PATJ: variants seen among roughly 807,000 people sequenced by gnomAD.
PATJ encodes inaD-like protein.
In PATJ, 190 loss-of-function variants were observed where a neutral mutation model predicts 224.9. The observed-to-expected ratio is 0.84, with a 90% CI of 0.75 to 0.95. The LOEUF is 0.95. Ranked by LOEUF, PATJ falls within the 40% of genes least tolerant of loss-of-function variation. The pLI, the probability that PATJ is intolerant of heterozygous loss-of-function variation, is 0.00. For missense variants in PATJ, 2,121 were observed against 2,270.3 expected, an observed-to-expected ratio of 0.93 and a Z score of 1.34; for synonymous variants, 769 against 820.3, an observed-to-expected ratio of 0.94 and a Z score of 1.07.
chr1:61,822,431 A>G, intron 14 of PATJ, among the ~76,000 whole-genome samples: 1 of 147,332 alleles, frequency 6.8e-6, no homozygotes, highest in South Asian at 2.2e-4. Flanking sequence ...CTGTGTCAGA[A>G]AAAAAAAAAA....
chr1:62,014,659 C>T (rs1159454523), intron 28 of PATJ, among the ~76,000 whole-genome samples: 1 of 142,052 alleles, frequency 7.0e-6, no homozygotes. Flanking sequence ...CTCAACCTTA[C>T]AGGCTCAAGC....
chr1:61,862,592 C>T (rs1364515914), intron 19 of PATJ, among the ~76,000 whole-genome samples: 3 of 152,136 alleles, frequency 2.0e-5, no homozygotes, highest in African/African-American at 7.2e-5. Context: ...CAAACATACA[C>T]TAATGTATTC....
chr1:61,806,672 T>C (rs1028868935), intron 13 of PATJ, among the ~76,000 whole-genome samples: 2 of 152,040 alleles, frequency 1.3e-5, no homozygotes, highest in South Asian at 4.2e-4. Context: ...TCTTGGTAAC[T>C]TTATGCCTGT....
intron 1 of PATJ, among the ~76,000 whole-genome samples, chr1:61,757,504 G>C (rs1645716867): frequency 1.3e-5 from 2 of 151,968 alleles, no homozygotes; most frequent in Admixed American, 1.3e-4. Context: ...TACCACTTTA[G>C]CCCTCTGAGT....
At position 61,992,083 on chromosome 1, in the gene PATJ, A is replaced by G. The variant is rs1445639094; in HGVS notation, c.3867+1719A>G. On this transcript the variant is annotated intron_variant, in intron 28 of 43. Transcript: ENST00000642238. Reference sequence around the variant, plus strand: ...TGCCAGACTCCAAGACCCGTGTTACAGCCACTAAAGTATACTATGTTCCCT... The same window carrying G: ...TGCCAGACTCCAAGACCCGTGTTACGGCCACTAAAGTATACTATGTTCCCT... Among the ~76,000 whole-genome samples, 4 of 151,884 alleles carry G rather than the reference A, an allele frequency of 2.6e-5. 1 individual carries two copies. The highest frequency in any genetic ancestry group is 7.2e-5 in the African/African-American group (3 of 41,388).
Position 62,106,091 on chromosome 1 carries a change from C to T in PATJ, c.4378-2346C>T, listed in dbSNP as rs1423299655. Reference sequence around the variant, plus strand: ...ATATATATATATATACACACACACACACACACACACACACACACACACACA... The same window carrying T: ...ATATATATATATATACACACACACATACACACACACACACACACACACACA... On this transcript the variant is annotated intron_variant, in intron 33 of 43. Coordinates refer to ENST00000642238, the MANE Select transcript of PATJ (RefSeq NM_001350145.3). 8.3e-4 allele frequency among the ~76,000 whole-genome samples: 58 copies of T among 69,786 alleles called. 1 individual carries two copies. In the East Asian group the frequency reaches 0.036, roughly 43 times the overall value. 45.8% of individuals were successfully genotyped at this position (69,786 alleles called of 152,430 possible). A position where few individuals can be genotyped will look rare whatever the true frequency, so the allele number is the denominator to read the frequency against.
At chr1:62,148,107 T>C (rs1339539289) in intron 41 of PATJ, among the ~76,000 whole-genome samples, 177 bp from the exon 42 acceptor site, 1 of 59,428 alleles carries the variant, frequency 1.7e-5, no homozygotes, top group South Asian at 5.2e-4. Context: ...AGCAACAGAG[T>C]GAGACACTGT....
At chr1:61,937,316 T>G (rs1028652829) in intron 27 of PATJ, among the ~76,000 whole-genome samples, 2 of 152,178 alleles carry the variant, frequency 1.3e-5, no homozygotes, top group African/African-American at 2.4e-5. Context: ...CACTGCAACC[T>G]TGACCTCCTG....
chr1:62,038,120 A>G (rs1650789682), intron 30 of PATJ, 71 bp downstream of exon 30: 5 of 938,630 alleles, frequency 5.3e-6, no homozygotes, highest in Non-Finnish European at 6.5e-6. Flanking sequence ...CCAATCTGAC[A>G]TTTTTGATAT....
intron 27 of PATJ, among the ~76,000 whole-genome samples, chr1:61,959,920 G>A (rs1392752637): frequency 6.6e-6 from 1 of 152,112 alleles, no homozygotes; most frequent in Non-Finnish European, 1.5e-5. Context: ...CTACTTGGGA[G>A]GCTGACGCAG....
At chr1:61,992,181 G>A (rs67187546) in intron 28 of PATJ, among the ~76,000 whole-genome samples, 22,294 of 148,724 alleles carry the variant, frequency 0.15, 2,023 homozygotes, top group Non-Finnish European at 0.21. Context: ...GCAATAGCAC[G>A]ATCTCGGTTC....
intron 42 of PATJ, among the ~76,000 whole-genome samples, chr1:62,148,922 T>C (rs1053019572): frequency 2.0e-5 from 3 of 151,280 alleles, no homozygotes; most frequent in Non-Finnish European, 4.4e-5. Flanking sequence ...AGGTCAGGAG[T>C]TCGAGACCAG....
At chr1:62,053,754 C>T (rs1473798859) in intron 31 of PATJ, among the ~76,000 whole-genome samples, 1 of 151,902 alleles carries the variant, frequency 6.6e-6, no homozygotes, top group African/African-American at 2.4e-5. Context: ...GTCACTTGAC[C>T]TCACCAAACC....
chr1:62,114,756 C>T (rs78295848), intron 35 of PATJ: 2,216 of 158,312 alleles, frequency 0.014, 25 homozygotes, highest in Non-Finnish European at 0.021. Context: ...GAAAAATGTC[C>T]TGCTGGGCAC....
At chr1:61,819,908 C>T (rs200484673) in intron 14 of PATJ, among the ~76,000 whole-genome samples, 5 of 152,072 alleles carry the variant, frequency 3.3e-5, no homozygotes, top group Non-Finnish European at 7.3e-5. Context: ...GTGTTCCTCT[C>T]TGTACAGATA....
At chr1:62,145,967 T>C (rs530278197) in intron 41 of PATJ, among the ~76,000 whole-genome samples, 7 of 151,396 alleles carry the variant, frequency 4.6e-5, no homozygotes, top group Admixed American at 3.3e-4. Flanking sequence ...CAAAAATAAA[T>C]AAACAAATAA....
chr1:61,970,310 C>T (rs11801215), intron 27 of PATJ, among the ~76,000 whole-genome samples: 4,066 of 151,980 alleles, frequency 0.027, 155 homozygotes, highest in African/African-American at 0.093. Context: ...GACACACGGG[C>T]AACCTCTCCC....
chr1:61,887,683 T>C (rs2149093285), intron 22 of PATJ, among the ~76,000 whole-genome samples: 2 of 152,262 alleles, frequency 1.3e-5, no homozygotes, highest in South Asian at 4.1e-4. Context: ...TTTATAATTC[T>C]AGCAGATTCC....
intron 17 of PATJ, among the ~76,000 whole-genome samples, chr1:61,844,926 C>T (rs1315956272): frequency 6.6e-6 from 1 of 152,100 alleles, no homozygotes; most frequent in Non-Finnish European, 1.5e-5. Flanking sequence ...GAGGTGCCCC[C>T]CAGCCATGCG....
Sources: gnomAD v4.1 joint callset for allele counts (sites outside exome capture counted in the v4.1 genomes callset) on GRCh38, gnomAD v4.1.1 for gene constraint, MANE v1.5 for transcripts, NCBI Gene and HGNC (gene_info 2026-07-23, HGNC 2026-07-21) for gene names.